The following PLCB4 variants were observed in gnomAD, a reference collection of about 807,000 sequenced individuals.
PLCB4 encodes the protein 1-phosphatidylinositol 4,5-bisphosphate phosphodiesterase beta-4.
In PLCB4, 77 loss-of-function variants were observed where a neutral mutation model predicts 178.8. That is an observed-to-expected ratio of 0.43 (90% CI 0.36 to 0.52). The LOEUF (loss-of-function observed/expected upper bound fraction) is 0.52, where lower values mean the gene tolerates loss of function less well. Among genes scored for constraint, PLCB4 ranks in the 20% least tolerant of loss-of-function variants. The pLI is 0.00. For synonymous variants in PLCB4, 496 were observed against 490.8 expected, an observed-to-expected ratio of 1.01 and a Z score of -0.14; for missense variants, 1,024 against 1,453.4, an observed-to-expected ratio of 0.70 and a Z score of 4.80.
intron 3 of PLCB4, among the ~76,000 whole-genome samples, chr20:9,262,492 A>G (rs1168219057): frequency 6.6e-6 from 1 of 152,168 alleles, no homozygotes; most frequent in Non-Finnish European, 1.5e-5. Flanking sequence ...TTCACTTGGC[A>G]TGTAAGGATG....
At chr20:9,318,946 G>T (rs540356462) in intron 4 of PLCB4, among the ~76,000 whole-genome samples, 6 of 152,178 alleles carry the variant, frequency 3.9e-5, no homozygotes, top group Non-Finnish European at 8.8e-5. Flanking sequence ...TCTGTGGGCC[G>T]CAGGTGAACA....
At chr20:9,338,599 C>T (rs530998208) in intron 6 of PLCB4, among the ~76,000 whole-genome samples, 5 of 152,060 alleles carry the variant, frequency 3.3e-5, no homozygotes, top group Non-Finnish European at 7.4e-5. Context: ...ATCCATTGAG[C>T]CTGGGAGGCA....
intron 2 of PLCB4, among the ~76,000 whole-genome samples, chr20:9,197,685 A>T (rs571472570): frequency 1.3e-5 from 2 of 152,346 alleles, no homozygotes; most frequent in East Asian, 1.9e-4. Flanking sequence ...CAGAAATAAA[A>T]CTAAACCAGG....
chr20:9,164,604 ACT>A (rs1186689486), intron 2 of PLCB4, among the ~76,000 whole-genome samples: 1 of 152,186 alleles, frequency 6.6e-6, no homozygotes, highest in African/African-American at 2.4e-5. Context: ...GAAGAGTATA[ACT>A]CAGTTTAGAA....
chr20:9,366,504 A>G (rs1159202600), intron 9 of PLCB4, among the ~76,000 whole-genome samples: 4 of 151,394 alleles, frequency 2.6e-5, no homozygotes, highest in African/African-American at 9.7e-5. Context: ...GACAGATTTC[A>G]CCCTCTGAGG....
chr20:9,243,868 A>G (rs2094095164), intron 3 of PLCB4, among the ~76,000 whole-genome samples: 1 of 152,194 alleles, frequency 6.6e-6, no homozygotes, highest in Admixed American at 6.5e-5. Flanking sequence ...CTCATAGGTA[A>G]CTGTGAGGTT....
chr20:9,313,090 A>T (rs892904411), intron 4 of PLCB4, among the ~76,000 whole-genome samples: 1 of 152,218 alleles, frequency 6.6e-6, no homozygotes, highest in Middle Eastern at 3.2e-3. Context: ...CCATCTTTGC[A>T]TATTATTTTT....
chr20:9,454,077 C>T (rs559496718), intron 33 of PLCB4, among the ~76,000 whole-genome samples: 1 of 152,282 alleles, frequency 6.6e-6, no homozygotes, highest in South Asian at 2.1e-4. Context: ...TCAATCTCTC[C>T]CTGTCTTTTG....
At chr20:9,460,871 A>C (rs1368858901) in intron 35 of PLCB4, among the ~76,000 whole-genome samples, 1 of 152,230 alleles carries the variant, frequency 6.6e-6, no homozygotes, top group East Asian at 1.9e-4. Context: ...CATTTGAGGC[A>C]ACTAAATGCA....
chr20:9,477,678 G>A (rs935733887), intron 39 of PLCB4, among the ~76,000 whole-genome samples: 13 of 152,100 alleles, frequency 8.5e-5, no homozygotes, highest in African/African-American at 3.1e-4. Flanking sequence ...TATCTGGGCA[G>A]AGGGAACCAA....
At chr20:9,313,174 C>A (rs888898302) in intron 4 of PLCB4, among the ~76,000 whole-genome samples, 4 of 152,180 alleles carry the variant, frequency 2.6e-5, no homozygotes, top group Non-Finnish European at 5.9e-5. Context: ...AAGATACTTA[C>A]AGTCATCAAA....
intron 2 of PLCB4, among the ~76,000 whole-genome samples, chr20:9,203,783 T>G (rs893942784): frequency 4.7e-5 from 2 of 42,558 alleles, no homozygotes; most frequent in East Asian, 5.1e-4. Context: ...TAGTGTTTTT[T>G]TTTTTTTTTT....
At chr20:9,190,680 G>A (rs2093390584) in intron 2 of PLCB4, among the ~76,000 whole-genome samples, 2 of 152,310 alleles carry the variant, frequency 1.3e-5, no homozygotes, top group Middle Eastern at 3.4e-3. Flanking sequence ...AAATAACTAC[G>A]AGGATGTGGG....
chr20:9,270,807 C>T (rs1362105060), intron 3 of PLCB4, among the ~76,000 whole-genome samples: 2 of 151,630 alleles, frequency 1.3e-5, no homozygotes, highest in Admixed American at 6.6e-5. Context: ...CCATTTATGC[C>T]ACCTCAATGA....
rs186869389 is a variant in PLCB4, at chr20:9,279,434, G to T, written c.-15-28366G>T. Among the ~76,000 whole-genome samples the T allele has an allele frequency of 1.6e-4, 24 of 151,970 alleles. No individual in the cohort carries two copies. In the South Asian group the frequency reaches 4.2e-3, roughly 26 times the overall value. On this transcript the variant is annotated intron_variant, in intron 3 of 39. Transcript: ENST00000378473. ...AGAGAGAATTAGAGAAAACGTGAAG[G>T]GGGGGAAATGACATTTGAGCCAGAC...
At chr20:9,127,666 CTATCTATCTATCTATCT>C (rs1568800819) in intron 2 of PLCB4, among the ~76,000 whole-genome samples, 2 of 151,634 alleles carry the variant, frequency 1.3e-5, no homozygotes, top group African/African-American at 4.8e-5. Flanking sequence ...ATCTATCTAT[CTATCTATCTATCTATCT>C]ATCCATCCAT....
At chr20:9,380,253 T>G in intron 13 of PLCB4, 91 bp downstream of exon 13, 1 of 641,574 alleles carries the variant, frequency 1.6e-6, no homozygotes, top group Non-Finnish European at 2.7e-6. Context: ...CTGTAAATGC[T>G]TTGCAACTCC....
intron 3 of PLCB4, among the ~76,000 whole-genome samples, chr20:9,302,492 C>G (rs1416275952): frequency 2.0e-5 from 3 of 152,070 alleles, no homozygotes; most frequent in African/African-American, 7.2e-5. Flanking sequence ...ACAGATAGCA[C>G]AAAGAACAGC....
intron 32 of PLCB4, among the ~76,000 whole-genome samples, chr20:9,445,275 A>G (rs1183394018): frequency 6.6e-6 from 1 of 152,264 alleles, no homozygotes; most frequent in African/African-American, 2.4e-5. Context: ...ATTAAGGGCA[A>G]TGAGAGCAAG....
Sources: allele counts gnomAD v4.1 joint callset (sites outside exome capture counted in the v4.1 genomes callset), GRCh38; gene constraint gnomAD v4.1.1; transcripts MANE v1.5; gene names NCBI Gene and HGNC (gene_info 2026-07-23, HGNC 2026-07-21).